The following TMEM94 variants were observed in gnomAD, a reference collection of about 807,000 sequenced individuals.
TMEM94 encodes the protein transmembrane protein 94.
A neutral mutation model predicts 158.6 loss-of-function variants in TMEM94; 81 were observed. That is an observed-to-expected ratio of 0.51 (90% confidence interval 0.43 to 0.61). TMEM94 has a LOEUF of 0.61. Among genes scored for constraint, TMEM94 ranks in the 20% least tolerant of loss-of-function variants. The probability of loss-of-function intolerance (pLI) is 0.00; values close to 1 mark genes in which losing one functional copy is unlikely to be tolerated. For missense variants in TMEM94, 1,435 were observed against 1,762.0 expected (o/e 0.81, Z 3.32); for synonymous variants, 751 against 730.7 (o/e 1.03, Z -0.45).
At chr17:75,480,447 C>G (rs1052002210) in intron 2 of TMEM94, among the ~76,000 whole-genome samples, 1 of 152,260 alleles carries the variant, frequency 6.6e-6, no homozygotes, top group Non-Finnish European at 1.5e-5. Context: ...CCCTCTGGCC[C>G]ATACCTCCCA....
chr17:75,480,871 A>G (rs2051104825), intron 2 of TMEM94, among the ~76,000 whole-genome samples: 1 of 151,804 alleles, frequency 6.6e-6, no homozygotes. Flanking sequence ...TCACTTGATC[A>G]TGTCTGGAGG....
chr17:75,458,396 T>A (rs910405324), intron 1 of TMEM94, among the ~76,000 whole-genome samples: 3 of 152,082 alleles, frequency 2.0e-5, no homozygotes, highest in Non-Finnish European at 4.4e-5. Context: ...AATAAAAAAA[T>A]TTAAAGCAAT....
chr17:75,472,020 G>A, intron 2 of TMEM94, 91 bp downstream of exon 2: 1 of 1,382,314 alleles, frequency 7.2e-7, no homozygotes, highest in East Asian at 2.3e-5. Context: ...TCCTTAACTG[G>A]GGGCTTTAAA....
In TMEM94 at chr17:75,491,493, C is replaced by T. The variant is rs774323321; in HGVS notation, c.1386+38C>T. ...GTACGGCCGGCTCCCATGGGCCCGA[C>T]TCTGGGCCAGGCTGTTTAGCCTTGG... On this transcript the variant is annotated intron_variant, in intron 13 of 31. Coordinates refer to ENST00000314256, the MANE Select transcript of TMEM94 (RefSeq NM_014738.6). This position sits in a 1 kb window ranked among gnomAD's most constrained non-coding sequence, Gnocchi z 5.1. 8 of 1,613,528 alleles carry T rather than the reference C, an allele frequency of 5.0e-6. No individual in the cohort carries two copies. The African/African-American group carries it at 9.3e-5, about 19-fold the overall frequency.
intron 1 of TMEM94, among the ~76,000 whole-genome samples, chr17:75,460,627 C>T (rs893516805): frequency 0.29 from 10 of 34 alleles, no homozygotes; most frequent in African/African-American, 0.44. Flanking sequence ...GATCCTTCCA[C>T]CTTACCCCCT....
intron 2 of TMEM94, among the ~76,000 whole-genome samples, chr17:75,480,456 C>T (rs1021616036): frequency 6.6e-6 from 1 of 152,228 alleles, no homozygotes; most frequent in African/African-American, 2.4e-5. Context: ...CCATACCTCC[C>T]ACACCTGGAG....
Position 75,500,222 on chromosome 17 carries a change from C to CA in TMEM94, c.*889dup. On this transcript the variant is annotated 3_prime_UTR_variant, in exon 32 of 32. Transcript: ENST00000314256. ...CTGGCTCAGGCGAGACCCCTAGGGT[C>CA]AGGGGTCCCCATGTCACAGAGGCAA... 6.6e-6 allele frequency: 1 copy of CA among 152,362 alleles called. No individual in the cohort carries two copies. The highest frequency in any genetic ancestry group is 1.5e-5 in the Non-Finnish European group (1 of 68,086). The allele number at this position is 152,362 out of a possible 1,614,324, so 9.4% of individuals were successfully genotyped here.
At chr17:75,477,424 G>A (rs991028748) in intron 2 of TMEM94, among the ~76,000 whole-genome samples, 3 of 152,076 alleles carry the variant, frequency 2.0e-5, no homozygotes, top group South Asian at 2.1e-4. Context: ...CAGAGAGGGG[G>A]CCAGGCCTGA....
chr17:75,463,254 T>C (rs1036926930), intron 1 of TMEM94, among the ~76,000 whole-genome samples: 15 of 148,894 alleles, frequency 1.0e-4, no homozygotes, highest in African/African-American at 3.6e-4. Context: ...CTACTTCTTA[T>C]AGCATCCTAG....
intron 2 of TMEM94, among the ~76,000 whole-genome samples, chr17:75,477,576 G>A (rs1355917011): frequency 2.0e-5 from 3 of 152,150 alleles, no homozygotes; most frequent in Non-Finnish European, 4.4e-5. Context: ...GTTATCTGCT[G>A]TTGTCAAGGC....
rs762421195 is a variant in TMEM94, at chr17:75,496,416, G to C, written c.3188G>C (p.Cys1063Ser). ...TCAGGGCAGCTCAACAGCCTGCCCTGTTCCCTGACCTTTCGCCAGGAGGAG... is the reference window on the plus strand; with the variant it reads ...TCAGGGCAGCTCAACAGCCTGCCCTCTTCCCTGACCTTTCGCCAGGAGGAG... ...QLSGQLNSLPCSLTFRQEETI... is the reference protein window; with the variant it reads ...QLSGQLNSLPSSLTFRQEETI... The change falls in exon 24 of 32, where the codon TGT becomes TCT. Residue 1063 changes from cysteine (C) to serine (S), a missense_variant. Cys to Ser is a moderately radical substitution (Grantham distance 112, BLOSUM62 -1). Around this residue, in one of 3 missense-constraint regions of TMEM94, gnomAD observed 335 missense variants for 409.1 expected, o/e 0.82. Transcript: ENST00000314256. The C allele has an allele frequency of 1.2e-5, 19 of 1,613,728 alleles. No individual in the cohort carries two copies. Among genetic ancestry groups the C allele is most frequent in the Middle Eastern group, 1.6e-4 (1 of 6,084 alleles).
chr17:75,476,341 G>C (rs1290687206), intron 2 of TMEM94, among the ~76,000 whole-genome samples: 1 of 152,154 alleles, frequency 6.6e-6, no homozygotes, highest in Non-Finnish European at 1.5e-5. Flanking sequence ...AACAGGCCAA[G>C]CTCCTGGATA....
At position 75,488,895 on chromosome 17, in the gene TMEM94, T is replaced by A. The variant is rs1413455391; in HGVS notation, c.749T>A (p.Val250Glu). Reference sequence around the variant, plus strand: ...CTTTTCCGTGTCCTTGAGACCCCTGTGATTGACAACATCAGGTAGGGGTGC... The same window carrying A: ...CTTTTCCGTGTCCTTGAGACCCCTGAGATTGACAACATCAGGTAGGGGTGC... ...HRLFRVLETP[V>E]IDNIRWCLDM... The change falls in exon 7 of 32, where the codon GTG becomes GAG. Residue 250 changes from valine to glutamate, a missense_variant. Val to Glu is a moderately radical substitution (Grantham distance 121). This residue lies in a region of TMEM94 where 1,051 missense variants were observed against 1,254.4 expected (regional missense o/e 0.84). Transcript: ENST00000314256. The A allele has an allele frequency of 1.3e-6, 2 of 1,595,586 alleles. No homozygotes were observed. The highest frequency in any genetic ancestry group is 1.7e-6 in the Non-Finnish European group (2 of 1,169,220).
chr17:75,488,380 G>A (rs1020499596), intron 6 of TMEM94, among the ~76,000 whole-genome samples: 4 of 152,118 alleles, frequency 2.6e-5, no homozygotes, highest in African/African-American at 7.2e-5. Context: ...GGGTTCAAGC[G>A]ATTCTCCCAC....
At chr17:75,497,900 A>G in intron 27 of TMEM94, 38 bp downstream of exon 27, 1 of 1,567,074 alleles carries the variant, frequency 6.4e-7, no homozygotes, top group South Asian at 1.1e-5. Context: ...GCAAGTGAGC[A>G]TGGAAGGGAC....
intron 2 of TMEM94, among the ~76,000 whole-genome samples, chr17:75,484,165 C>G (rs1025064461): frequency 6.6e-6 from 1 of 152,124 alleles, no homozygotes; most frequent in Admixed American, 6.5e-5. Context: ...TCTGCACAGT[C>G]CTGCCCTGGG....
At chr17:75,497,650 C>A in intron 26 of TMEM94, 131 bp from the exon 27 acceptor site, 1 of 682,474 alleles carries the variant, frequency 1.5e-6, no homozygotes, top group Non-Finnish European at 2.6e-6. Context: ...CACTGCCGTC[C>A]AGCCTTTGTT....
At chr17:75,480,967 G>C (rs546258527) in intron 2 of TMEM94, among the ~76,000 whole-genome samples, 7 of 152,194 alleles carry the variant, frequency 4.6e-5, no homozygotes, top group Non-Finnish European at 1.0e-4. Flanking sequence ...AGCCTGAGGG[G>C]AAGACACTGG....
intron 2 of TMEM94, among the ~76,000 whole-genome samples, chr17:75,482,200 G>A (rs1164558504): frequency 2.0e-5 from 3 of 152,110 alleles, no homozygotes; most frequent in Admixed American, 2.0e-4. Context: ...AAAAAAATTA[G>A]CCGGGCGTGG....
Sources: gnomAD v4.1 joint callset for allele counts (sites outside exome capture counted in the v4.1 genomes callset) on GRCh38, gnomAD v4.1.1 for gene constraint, gnomAD v4.1.1 regional missense constraint, Gnocchi (gnomAD v3.1) non-coding constraint, MANE v1.5 for transcripts, NCBI Gene and HGNC (gene_info 2026-07-23, HGNC 2026-07-21) for gene names.